PRH1: variants seen among roughly 807,000 people sequenced by gnomAD.
The protein encoded by PRH1 is salivary acidic proline-rich phosphoprotein 1/2.
A neutral mutation model predicts 7.9 loss-of-function variants in PRH1; 7 were observed. The observed-to-expected ratio is 0.89, with a 90% CI of 0.50 to 1.67. The LOEUF (loss-of-function observed/expected upper bound fraction) is 1.67, where lower values mean the gene tolerates loss of function less well. Ranked by LOEUF, PRH1 falls within the 40% of genes most tolerant of loss-of-function variation. The pLI, the probability that PRH1 is intolerant of heterozygous loss-of-function variation, is 0.00. For synonymous variants in PRH1, 45 were observed against 80.8 expected (o/e 0.56, Z 2.38); for missense variants, 109 against 223.6 (o/e 0.49, Z 3.27).
chr12:10,947,787 A>G (rs1447632165), intron 2 of PRH1, among the ~76,000 whole-genome samples: 2 of 152,054 alleles, frequency 1.3e-5, no homozygotes, highest in Admixed American at 1.3e-4. Flanking sequence ...TTCTATACTA[A>G]GTGCCGCTTT....
chr12:10,926,421 G>A (rs1447254847), intron 2 of PRH1, among the ~76,000 whole-genome samples: 3 of 152,062 alleles, frequency 2.0e-5, no homozygotes, highest in Non-Finnish European at 4.4e-5. Context: ...AGAGCTTCCG[G>A]GTCTTCAAAA....
intron 2 of PRH1, among the ~76,000 whole-genome samples, chr12:10,900,195 G>C (rs747491748): frequency 3.9e-5 from 6 of 152,262 alleles, no homozygotes; most frequent in Non-Finnish European, 5.9e-5. Context: ...GAGGCAGAGA[G>C]CCTCCCTCTG....
chr12:10,910,118 G>T (rs1949874202), intron 2 of PRH1, among the ~76,000 whole-genome samples: 1 of 152,106 alleles, frequency 6.6e-6, no homozygotes, highest in African/African-American at 2.4e-5. Context: ...ACCAAGCAAA[G>T]AAATAGATAC....
chr12:11,016,171 ACTGT>A (rs1195177834), intron 1 of PRH1, among the ~76,000 whole-genome samples: 1 of 152,206 alleles, frequency 6.6e-6, no homozygotes, highest in East Asian at 1.9e-4. Context: ...CACCAATTCA[ACTGT>A]CTGATAGATA....
intron 1 of PRH1, among the ~76,000 whole-genome samples, chr12:11,009,229 T>C (rs1026136959): frequency 2.0e-5 from 3 of 151,924 alleles, no homozygotes; most frequent in African/African-American, 7.2e-5. Context: ...TATGATTCCA[T>C]TGAATTCCCG....
intron 1 of PRH1, among the ~76,000 whole-genome samples, chr12:11,027,000 CAT>C (rs983194398): frequency 6.6e-6 from 1 of 152,180 alleles, no homozygotes; most frequent in Non-Finnish European, 1.5e-5. Context: ...CCCTGTGGCA[CAT>C]GACTGTAATC....
chr12:10,913,959 A>C (rs918038050), intron 2 of PRH1, among the ~76,000 whole-genome samples: 1 of 152,248 alleles, frequency 6.6e-6, no homozygotes, highest in Non-Finnish European at 1.5e-5. Flanking sequence ...TCTTGTTAGT[A>C]CAGCATAGAC....
chr12:10,928,153 T>C (rs1483910697), intron 2 of PRH1, among the ~76,000 whole-genome samples: 1 of 151,894 alleles, frequency 6.6e-6, no homozygotes. Flanking sequence ...TATCAACAAA[T>C]GAATGTAAGA....
chr12:11,002,568 A>G (rs2136022197), intron 1 of PRH1, among the ~76,000 whole-genome samples: 1 of 152,208 alleles, frequency 6.6e-6, no homozygotes, highest in South Asian at 2.1e-4. Flanking sequence ...CCTCTATACA[A>G]TTATATAGCA....
intron 2 of PRH1, chr12:10,938,795 G>C (rs758340538): frequency 6.2e-7 from 1 of 1,613,140 alleles, no homozygotes; most frequent in Non-Finnish European, 8.5e-7. Flanking sequence ...CAAGAAGACC[G>C]AAGTCACAAG....
chr12:11,171,223 G>A (rs1214568871), intron 1 of PRH1: 17 of 494,068 alleles, frequency 3.4e-5, no homozygotes, highest in Non-Finnish European at 5.1e-5. Context: ...CCGAGCGGCG[G>A]CAGCGGCAAG....
intron 2 of PRH1, among the ~76,000 whole-genome samples, chr12:10,893,495 A>G (rs968582482): frequency 2.2e-4 from 34 of 152,350 alleles, no homozygotes; most frequent in African/African-American, 6.7e-4. Flanking sequence ...CATCCGTCCA[A>G]TTTTAACTGA....
chr12:11,135,962 G>A (rs1424934568), intron 1 of PRH1, among the ~76,000 whole-genome samples: 1 of 151,884 alleles, frequency 6.6e-6, no homozygotes, highest in East Asian at 1.9e-4. Flanking sequence ...ACTTAGAAAT[G>A]AACCAAAACA....
chr12:10,991,832 C>T (rs1454211875), intron 1 of PRH1, among the ~76,000 whole-genome samples: 1 of 152,134 alleles, frequency 6.6e-6, no homozygotes, highest in East Asian at 1.9e-4. Flanking sequence ...AGGGCAGCAT[C>T]CTGAAATGCA....
intron 1 of PRH1, among the ~76,000 whole-genome samples, chr12:11,161,602 A>G (rs1403768873): frequency 1.3e-5 from 2 of 152,230 alleles, no homozygotes; most frequent in African/African-American, 4.8e-5. Context: ...TGAGAAAGGA[A>G]AAGAATTGAC....
At chr12:10,975,635 T>TA (rs1939054833) in intron 1 of PRH1, among the ~76,000 whole-genome samples, 1 of 151,244 alleles carries the variant, frequency 6.6e-6, no homozygotes, top group Non-Finnish European at 1.5e-5. Flanking sequence ...GCAGGTTGGA[T>TA]AAAAAAGCGT....
chr12:10,961,004 G>A (rs1938212457), intron 2 of PRH1, among the ~76,000 whole-genome samples: 1 of 152,148 alleles, frequency 6.6e-6, no homozygotes, highest in African/African-American at 2.4e-5. Flanking sequence ...AGTTTCCAAA[G>A]GCCATTGGTC....
intron 1 of PRH1, among the ~76,000 whole-genome samples, chr12:10,982,612 T>G (rs183356998): frequency 1.3e-5 from 2 of 152,338 alleles, no homozygotes; most frequent in Admixed American, 6.5e-5. Context: ...TTCAGTTTAA[T>G]TGACATTTTG....
At chr12:10,992,821 G>GAGTT (rs1249652696) in intron 1 of PRH1, among the ~76,000 whole-genome samples, 1 of 152,192 alleles carries the variant, frequency 6.6e-6, no homozygotes, top group African/African-American at 2.4e-5. Flanking sequence ...AATGTTAAAT[G>GAGTT]AAATTAACAG....
Sources: gnomAD v4.1 joint callset for allele counts (sites outside exome capture counted in the v4.1 genomes callset) on GRCh38, gnomAD v4.1.1 for gene constraint, MANE v1.5 for transcripts, NCBI Gene and HGNC (gene_info 2026-07-23, HGNC 2026-07-21) for gene names.